The following ADAMTS18 variants were observed in gnomAD, a reference collection of about 807,000 sequenced individuals.
The protein encoded by ADAMTS18 is ADAM metallopeptidase with thrombospondin type 1 motif 18.
Under a neutral mutation model 165.9 loss-of-function variants are expected in ADAMTS18, and 157 were observed. That is an observed-to-expected ratio of 0.95 (90% CI 0.83 to 1.08). The LOEUF (loss-of-function observed/expected upper bound fraction) is 1.08, where lower values mean the gene tolerates loss of function less well. Among genes scored for constraint, ADAMTS18 ranks in the 50% least tolerant of loss-of-function variants. ADAMTS18 has a pLI of 0.00. For missense variants in ADAMTS18, 2,040 were observed against 1,534.0 expected (o/e 1.33, Z -5.51); for synonymous variants, 782 against 578.2 (o/e 1.35, Z -5.06).
At chr16:77,433,212 G>A (rs2057759547) in intron 2 of ADAMTS18, among the ~76,000 whole-genome samples, 1 of 152,126 alleles carries the variant, frequency 6.6e-6, no homozygotes, top group South Asian at 2.1e-4. Context: ...AAAGATTCCT[G>A]ACATATGCAG....
At chr16:77,334,058 C>A (rs892158978) in intron 12 of ADAMTS18, among the ~76,000 whole-genome samples, 1 of 106,116 alleles carries the variant, frequency 9.4e-6, no homozygotes, top group Non-Finnish European at 1.8e-5. Context: ...ATATACAGTG[C>A]TATATATGCT....
At chr16:77,319,058 T>A (rs11149978) in intron 16 of ADAMTS18, among the ~76,000 whole-genome samples, 65,532 of 151,916 alleles carry the variant, frequency 0.43, 14,874 homozygotes, top group East Asian at 0.88. Context: ...TATCATTTTT[T>A]TTACCTTTTT....
intron 11 of ADAMTS18, among the ~76,000 whole-genome samples, chr16:77,336,285 T>C (rs113447938): frequency 6.6e-6 from 1 of 152,152 alleles, no homozygotes; most frequent in Non-Finnish European, 1.5e-5. Context: ...GGATCACTCA[T>C]TCAGGAAGAA....
chr16:77,403,809 G>A (rs1215329423), intron 3 of ADAMTS18, among the ~76,000 whole-genome samples: 3 of 152,048 alleles, frequency 2.0e-5, no homozygotes, highest in Admixed American at 2.0e-4. Context: ...AATAACCAAG[G>A]AATCACACAA....
Position 77,335,905 on chromosome 16 carries a change from CTG to C in ADAMTS18, c.1711-3_1711-2del. The C allele has an allele frequency of 3.1e-6, 5 of 1,614,206 alleles. No individual in the cohort carries two copies. Among genetic ancestry groups the C allele is most frequent in the Non-Finnish European group, 3.4e-6 (4 of 1,180,026 alleles). ...TTACGCACTGGCCTTGCCGACACCA[CTG>C]TGAAAAGAACGTGTAAGATGGTTCC... On this transcript the variant is annotated splice_acceptor_variant and splice_polypyrimidine_tract_variant and intron_variant, in intron 11 of 22. Transcript: ENST00000282849. LOFTEE classifies it high-confidence loss of function.
Position 77,321,198 on chromosome 16 carries a change from A to G in ADAMTS18, c.2168T>C (p.Val723Ala). The change falls in exon 15 of 23, where the codon GTG becomes GCG. Residue 723 changes from valine (V) to alanine (A), a missense_variant. Physicochemically the swap from Val to Ala is moderately conservative, Grantham distance 64. Coordinates refer to ENST00000282849, the MANE Select transcript of ADAMTS18 (RefSeq NM_199355.4). ...AGAGCCTAGTTCATGATCACATCCCACTAGCTGTGACAAAAACAAAAAACG... is the reference window on the plus strand; with the variant it reads ...AGAGCCTAGTTCATGATCACATCCCGCTAGCTGTGACAAAAACAAAAAACG... ...DVCIDGVCELVGCDHELGSKA... is the reference protein window; with the variant it reads ...DVCIDGVCELAGCDHELGSKA... 2 of 1,614,162 alleles carry G rather than the reference A, an allele frequency of 1.2e-6. No individual in the cohort carries two copies. Among genetic ancestry groups the G allele is most frequent in the South Asian group, 2.2e-5 (2 of 91,076 alleles).
Position 77,433,468 on chromosome 16 carries a change from GGTGA to G in ADAMTS18, c.178+946_178+949del, listed in dbSNP as rs1232252675. 8.5e-5 allele frequency: 13 copies of G among 152,358 alleles called. No individual in the cohort carries two copies. The East Asian group carries it at 1.5e-3, about 18-fold the overall frequency. 9.4% of individuals were successfully genotyped at this position (152,358 alleles called of 1,614,324 possible). ...TGATCTCTGATTGACCACTTCAGGAGGTGAGTAAGGGTGAGGTCCTTACAAGGTT... is the reference window on the plus strand; with the variant it reads ...TGATCTCTGATTGACCACTTCAGGAGGTAAGGGTGAGGTCCTTACAAGGTT... On this transcript the variant is annotated intron_variant, in intron 2 of 22. Coordinates refer to ENST00000282849, the MANE Select transcript of ADAMTS18 (RefSeq NM_199355.4).
chr16:77,287,522 G>C (rs978814376), intron 22 of ADAMTS18, among the ~76,000 whole-genome samples: 5 of 152,092 alleles, frequency 3.3e-5, no homozygotes, highest in African/African-American at 1.2e-4. Context: ...AAAAAGCCCA[G>C]GCTGGAGTGC....
At position 77,319,959 on chromosome 16, in the gene ADAMTS18, A is replaced by G. The variant is rs2055962068; in HGVS notation, c.2422T>C (p.Trp808Arg). The change falls in exon 16 of 23, where the codon TGG (tryptophan) becomes CGG (arginine). Residue 808 changes from tryptophan to arginine, a missense_variant. Coordinates refer to ENST00000282849, the MANE Select transcript of ADAMTS18 (RefSeq NM_199355.4). ...YYLTGGWSID[W>R]PGEFPFAGTT... Reference sequence around the variant, plus strand: ...CCAGCGAAGGGGAACTCCCCAGGCCAGTCGATGCTCCAGCCCCCGGTGAGG... The same window carrying G: ...CCAGCGAAGGGGAACTCCCCAGGCCGGTCGATGCTCCAGCCCCCGGTGAGG... 1 of 1,614,108 alleles carries G rather than the reference A, an allele frequency of 6.2e-7. No homozygotes were observed. The highest frequency in any genetic ancestry group is 1.3e-5 in the African/African-American group (1 of 74,946).
Position 77,412,359 on chromosome 16 carries a change from G to A in ADAMTS18, c.495+18936C>T, listed in dbSNP as rs139616480. On this transcript the variant is annotated intron_variant, in intron 3 of 22. Coordinates refer to ENST00000282849, the MANE Select transcript of ADAMTS18 (RefSeq NM_199355.4). ...ATTTCTTTTTTTGAGACAGGGTCTC[G>A]CTGTAACTCAGGCTAGAGTACAGTG... 9.2e-5 allele frequency among the ~76,000 whole-genome samples: 14 copies of A among 152,032 alleles called. 1 individual carries two copies. Among genetic ancestry groups the A allele is most frequent in the African/African-American group, 3.1e-4 (13 of 41,496 alleles).
intron 3 of ADAMTS18, among the ~76,000 whole-genome samples, chr16:77,389,095 T>C (rs1468644578): frequency 6.6e-6 from 1 of 151,848 alleles, no homozygotes; most frequent in Non-Finnish European, 1.5e-5. Flanking sequence ...AGCTCAGGAG[T>C]CTGAGAGCAG....
At chr16:77,405,307 G>A (rs1041571881) in intron 3 of ADAMTS18, among the ~76,000 whole-genome samples, 2 of 152,078 alleles carry the variant, frequency 1.3e-5, no homozygotes, top group Non-Finnish European at 2.9e-5. Context: ...TCAATACCTC[G>A]AGCACCTTTC....
At chr16:77,334,350 T>TA (rs1555514121) in intron 12 of ADAMTS18, among the ~76,000 whole-genome samples, 3 of 74,424 alleles carry the variant, frequency 4.0e-5, no homozygotes, top group African/African-American at 9.3e-5. Flanking sequence ...TACTATTATA[T>TA]ATACTACATA....
At position 77,297,506 on chromosome 16, in the gene ADAMTS18, A is replaced by G. The variant is rs984340647; in HGVS notation, c.2675-91T>C. On this transcript the variant is annotated intron_variant, in intron 17 of 22. Transcript: ENST00000282849. ...TAGCTTCTGATTTACCAGCATTGTG[A>G]TATTTTATTTCAGATATGGAATCCA... 72 of 1,352,346 alleles carry G rather than the reference A, an allele frequency of 5.3e-5. No individual in the cohort carries two copies. The African/African-American group carries it at 9.3e-4, about 18-fold the overall frequency. The allele number at this position is 1,352,346 out of a possible 1,614,324, so 83.8% of individuals were successfully genotyped here.
intron 10 of ADAMTS18, among the ~76,000 whole-genome samples, chr16:77,347,966 G>A (rs1010981494): frequency 1.1e-4 from 17 of 151,960 alleles, no homozygotes; most frequent in Non-Finnish European, 1.5e-4. Context: ...AATATGTATC[G>A]TGTGCTTAAA....
chr16:77,418,005 G>A (rs1044328839), intron 3 of ADAMTS18, among the ~76,000 whole-genome samples: 1 of 152,158 alleles, frequency 6.6e-6, no homozygotes, highest in African/African-American at 2.4e-5. Flanking sequence ...ACATCCACGT[G>A]GTTAGGCCCC....
chr16:77,413,170 C>T (rs1197062908), intron 3 of ADAMTS18, among the ~76,000 whole-genome samples: 1 of 152,158 alleles, frequency 6.6e-6, no homozygotes, highest in Non-Finnish European at 1.5e-5. Context: ...ACTGCTATTT[C>T]CCTAAACTGA....
intron 10 of ADAMTS18, among the ~76,000 whole-genome samples, chr16:77,344,573 T>C (rs1382743832): frequency 6.6e-6 from 1 of 152,134 alleles, no homozygotes; most frequent in Admixed American, 6.5e-5. Context: ...AAATTGTTTT[T>C]CTTCTTACAG....
intron 3 of ADAMTS18, among the ~76,000 whole-genome samples, chr16:77,369,019 C>G (rs1272185637): frequency 6.6e-6 from 1 of 152,206 alleles, no homozygotes; most frequent in Non-Finnish European, 1.5e-5. Context: ...TCAGAGTTCC[C>G]TGATACCCAA....
Sources: gnomAD v4.1 joint callset for allele counts (sites outside exome capture counted in the v4.1 genomes callset) on GRCh38, gnomAD v4.1.1 for gene constraint, MANE v1.5 for transcripts, NCBI Gene and HGNC (gene_info 2026-07-23, HGNC 2026-07-21) for gene names.